Variants in TBC1D22A observed in about 807,000 individuals in gnomAD.
TBC1D22A encodes TBC1 domain family member 22A.
TBC1D22A carries 38 observed loss-of-function variants against 60.2 expected under a neutral mutation model. The observed-to-expected ratio is 0.63, with a 90% CI of 0.49 to 0.83. The LOEUF (loss-of-function observed/expected upper bound fraction) is 0.83, where lower values mean the gene tolerates loss of function less well. TBC1D22A is among the 40% of genes least tolerant of loss of function. The pLI, the probability that TBC1D22A is intolerant of heterozygous loss-of-function variation, is 0.00. For missense variants in TBC1D22A, 628 were observed against 701.0 expected (o/e 0.90, Z 1.18); for synonymous variants, 302 against 281.7 (o/e 1.07, Z -0.72).
intron 4 of TBC1D22A, among the ~76,000 whole-genome samples, chr22:46,838,831 A>C (rs1164488739): frequency 2.0e-5 from 3 of 152,260 alleles, no homozygotes; most frequent in Non-Finnish European, 4.4e-5. Flanking sequence ...AGATGCAGAA[A>C]AATCATTTGA....
intron 5 of TBC1D22A, among the ~76,000 whole-genome samples, chr22:46,886,636 G>A (rs138660275): frequency 3.3e-4 from 51 of 152,316 alleles, no homozygotes; most frequent in African/African-American, 1.2e-3. Flanking sequence ...TGAGAATACT[G>A]GGCAATTAGA....
chr22:47,125,487 G>A (rs1217529960), intron 12 of TBC1D22A, among the ~76,000 whole-genome samples: 1 of 152,212 alleles, frequency 6.6e-6, no homozygotes, highest in Non-Finnish European at 1.5e-5. Context: ...TTATGATAAT[G>A]CAGTAGAATT....
intron 10 of TBC1D22A, among the ~76,000 whole-genome samples, chr22:47,029,414 C>T (rs568136658): frequency 9.8e-5 from 15 of 152,294 alleles, no homozygotes; most frequent in East Asian, 3.9e-4. Context: ...GCTTGGTGAC[C>T]GGGGTTTCTA....
At chr22:46,979,595 A>C (rs1248428994) in intron 9 of TBC1D22A, among the ~76,000 whole-genome samples, 1 of 152,170 alleles carries the variant, frequency 6.6e-6, no homozygotes, top group Non-Finnish European at 1.5e-5. Flanking sequence ...GCGCAGTGTT[A>C]ATAGTAAGAT....
chr22:47,137,715 C>T (rs1036998101), intron 12 of TBC1D22A, among the ~76,000 whole-genome samples: 10 of 152,218 alleles, frequency 6.6e-5, no homozygotes, highest in African/African-American at 2.4e-4. Flanking sequence ...GGCTGCTTAC[C>T]ACTGGGGAAG....
chr22:47,033,754 C>A (rs541190326), intron 10 of TBC1D22A, among the ~76,000 whole-genome samples: 4 of 152,142 alleles, frequency 2.6e-5, no homozygotes, highest in Non-Finnish European at 5.9e-5. Flanking sequence ...TGAGGGTGAG[C>A]CCGGGGCGCG....
chr22:46,958,285 A>G (rs893535964), intron 8 of TBC1D22A, among the ~76,000 whole-genome samples: 1 of 152,094 alleles, frequency 6.6e-6, no homozygotes, highest in African/African-American at 2.4e-5. Flanking sequence ...TTGGGGCTGG[A>G]GGTACAAGCT....
At chr22:47,077,547 C>A (rs1049834850) in intron 11 of TBC1D22A, among the ~76,000 whole-genome samples, 1 of 152,186 alleles carries the variant, frequency 6.6e-6, no homozygotes, top group Non-Finnish European at 1.5e-5. Flanking sequence ...GTTCAAGTTC[C>A]GGCTCTATGC....
chr22:46,913,358 A>T, intron 8 of TBC1D22A: 1 of 1,366,536 alleles, frequency 7.3e-7, no homozygotes, highest in South Asian at 1.1e-5. Flanking sequence ...GGTCGGCCTC[A>T]GATTCCCATC....
At chr22:47,171,661 C>T (rs997671796) in intron 12 of TBC1D22A, among the ~76,000 whole-genome samples, 17 of 152,192 alleles carry the variant, frequency 1.1e-4, no homozygotes, top group Non-Finnish European at 1.3e-4. Flanking sequence ...TTGGGGTCCC[C>T]GGAGACCTGC....
intron 10 of TBC1D22A, among the ~76,000 whole-genome samples, chr22:47,016,944 TC>T (rs1162661367): frequency 6.6e-6 from 1 of 152,212 alleles, no homozygotes; most frequent in Admixed American, 6.5e-5. Flanking sequence ...GACGCACCTG[TC>T]CCAGTGTCCG....
rs191300753 is a variant in TBC1D22A, at chr22:47,075,793, G to A, written c.1330-35715G>A. On this transcript the variant is annotated intron_variant, in intron 11 of 12. Transcript: ENST00000337137. ...TAAAATCCAACTATGTGGTATTCAT[G>A]ATTGACACACACACACACACACATA... Among the ~76,000 whole-genome samples the A allele has an allele frequency of 2.0e-3, 300 of 151,646 alleles. 5 individuals carry two copies. Among genetic ancestry groups the A allele is most frequent in the African/African-American group, 7.1e-3 (291 of 41,044 alleles).
intron 12 of TBC1D22A, among the ~76,000 whole-genome samples, chr22:47,113,269 G>T (rs1032553233): frequency 3.9e-5 from 6 of 152,220 alleles, no homozygotes; most frequent in African/African-American, 1.4e-4. Flanking sequence ...AATGAAGGCG[G>T]CTGGCTGCCG....
At chr22:46,831,888 G>A (rs1008373695) in intron 4 of TBC1D22A, among the ~76,000 whole-genome samples, 23 of 152,200 alleles carry the variant, frequency 1.5e-4, no homozygotes, top group African/African-American at 5.1e-4. Flanking sequence ...ATGTTGGAAT[G>A]TTTCAAATAT....
At chr22:47,083,806 G>A (rs1176281857) in intron 11 of TBC1D22A, among the ~76,000 whole-genome samples, 2 of 152,184 alleles carry the variant, frequency 1.3e-5, no homozygotes, top group Non-Finnish European at 2.9e-5. Context: ...TACTCATCAA[G>A]GGTATATTAA....
intron 8 of TBC1D22A, among the ~76,000 whole-genome samples, chr22:46,963,434 G>C (rs1285567386): frequency 9.3e-6 from 1 of 107,400 alleles, no homozygotes; most frequent in Non-Finnish European, 2.1e-5. Flanking sequence ...CCACGATTGT[G>C]TGGTGTTCTG....
chr22:47,167,584 C>T (rs751765055), intron 12 of TBC1D22A, among the ~76,000 whole-genome samples: 31 of 152,092 alleles, frequency 2.0e-4, no homozygotes, highest in Non-Finnish European at 3.2e-4. Context: ...GGTACGTGGA[C>T]GCCAGAGAGT....
rs572415303 is a variant in TBC1D22A, at chr22:46,877,706, A to G, written c.638-947A>G. Among the ~76,000 whole-genome samples the G allele has an allele frequency of 2.2e-4, 34 of 152,322 alleles. No individual in the cohort carries two copies. The East Asian group carries it at 6.5e-3, about 29-fold the overall frequency. On this transcript the variant is annotated intron_variant, in intron 4 of 12. Transcript: ENST00000337137. The stretch of plus-strand genomic sequence containing the variant: ...AGTCTTCTCTTTAATCATTTCTTTT[A>G]TTCCCGTTATTAATCATTAGCTCCA...
chr22:46,885,033 T>G (rs2068041702), intron 5 of TBC1D22A, among the ~76,000 whole-genome samples: 1 of 152,078 alleles, frequency 6.6e-6, no homozygotes, highest in Non-Finnish European at 1.5e-5. Flanking sequence ...TAAAATGATG[T>G]GATTGTCACA....
Sources: allele counts gnomAD v4.1 joint callset (sites outside exome capture counted in the v4.1 genomes callset), GRCh38; gene constraint gnomAD v4.1.1; transcripts MANE v1.5; gene names NCBI Gene and HGNC (gene_info 2026-07-23, HGNC 2026-07-21).